The following GAB2 variants were observed in gnomAD, a reference collection of about 807,000 sequenced individuals.
The protein encoded by GAB2 is GRB2-associated-binding protein 2.
GAB2 carries 26 observed loss-of-function variants against 65.5 expected under a neutral mutation model. The ratio of observed to expected loss-of-function variants is 0.40; its 90% CI spans 0.29 to 0.55. GAB2 has a LOEUF of 0.55. Among genes scored for constraint, GAB2 ranks in the 20% least tolerant of loss-of-function variants. GAB2 has a pLI of 0.53. For missense variants in GAB2, 884 were observed against 875.8 expected, an observed-to-expected ratio of 1.01 and a Z score of -0.12; for synonymous variants, 321 against 329.6, an observed-to-expected ratio of 0.97 and a Z score of 0.28.
intron 1 of GAB2, among the ~76,000 whole-genome samples, chr11:78,309,057 G>GA (rs143379188): frequency 2.0e-5 from 3 of 151,954 alleles, no homozygotes; most frequent in East Asian, 1.9e-4. Context: ...AGTGGGGACA[G>GA]AAAAAAAGGT....
intron 3 of GAB2, among the ~76,000 whole-genome samples, chr11:78,239,323 C>T (rs541316796): frequency 7.2e-5 from 11 of 152,218 alleles, no homozygotes; most frequent in Non-Finnish European, 1.3e-4. Context: ...TGGGTTCAAG[C>T]GATTCTCCTG....
chr11:78,267,832 T>G (rs1442808864), intron 2 of GAB2, among the ~76,000 whole-genome samples: 1 of 108,658 alleles, frequency 9.2e-6, no homozygotes. Context: ...CACTCCAGCC[T>G]GGGTGATAGA....
chr11:78,408,522 G>A (rs1857084172), intron 1 of GAB2, among the ~76,000 whole-genome samples: 1 of 152,160 alleles, frequency 6.6e-6, no homozygotes, highest in African/African-American at 2.4e-5. Context: ...GCAGAACTAA[G>A]CTCTAGCATA....
chr11:78,231,267 C>G (rs901965376), intron 3 of GAB2, among the ~76,000 whole-genome samples: 1 of 152,152 alleles, frequency 6.6e-6, no homozygotes, highest in African/African-American at 2.4e-5. Flanking sequence ...TGGCCAATGG[C>G]TCTTCCAGAG....
At chr11:78,281,577 T>C (rs1866336544) in intron 1 of GAB2, among the ~76,000 whole-genome samples, 1 of 152,142 alleles carries the variant, frequency 6.6e-6, no homozygotes. Flanking sequence ...TCCTCAGATA[T>C]CATAGGTTAA....
intron 1 of GAB2, among the ~76,000 whole-genome samples, chr11:78,335,651 G>A (rs889271689): frequency 2.6e-5 from 4 of 152,140 alleles, no homozygotes; most frequent in Non-Finnish European, 5.9e-5. Flanking sequence ...TAGCTCTGTA[G>A]TATAATTTGA....
In GAB2 at chr11:78,406,381, ATTTT is replaced by A. The variant is rs56317311; in HGVS notation, c.75+11261_75+11264del. Among the ~76,000 whole-genome samples, 351 of 147,838 alleles carry A rather than the reference ATTTT, an allele frequency of 2.4e-3. 1 individual carries two copies. The highest frequency in any genetic ancestry group is 8.3e-3 in the African/African-American group (335 of 40,568). Reference sequence around the variant, plus strand: ...CACAATACAAAAATGTCCACGTTTAATTTTTTTTTTTTTTGAGACAGAATCTTGC... The same window carrying A: ...CACAATACAAAAATGTCCACGTTTAATTTTTTTTTTGAGACAGAATCTTGC... On this transcript the variant is annotated intron_variant, in intron 1 of 9. Coordinates refer to ENST00000361507, the MANE Select transcript of GAB2 (RefSeq NM_080491.3).
intron 1 of GAB2, among the ~76,000 whole-genome samples, chr11:78,376,724 AG>A (rs1006460322): frequency 2.0e-5 from 3 of 152,104 alleles, no homozygotes; most frequent in African/African-American, 4.8e-5. Flanking sequence ...GGAGAGTTGG[AG>A]GGGGGCACCG....
At chr11:78,380,653 T>C (rs1052907854) in intron 1 of GAB2, among the ~76,000 whole-genome samples, 1 of 152,202 alleles carries the variant, frequency 6.6e-6, no homozygotes, top group African/African-American at 2.4e-5. Flanking sequence ...CTACACACTG[T>C]GAAATTAAAT....
rs1366498601 is a variant in GAB2, at chr11:78,250,197, A to G, written c.580T>C (p.Tyr194His). 3 of 1,612,828 alleles carry G rather than the reference A, an allele frequency of 1.9e-6. No individual in the cohort carries two copies. The South Asian group carries it at 3.3e-5, about 18-fold the overall frequency. ...LSTSAPQEYLYLHQCISRRAE... is the reference protein window; with the variant it reads ...LSTSAPQEYLHLHQCISRRAE... ...CTTCGGCTTATGCACTGGTGCAAGT[A>G]GAGATACTCCTGAGGTGCGCTGGTG... The change falls in exon 3 of 10, where the codon TAC becomes CAC. Residue 194 changes from tyrosine to histidine, a missense_variant. Transcript: ENST00000361507.
In GAB2 at chr11:78,375,046, A is replaced by G. The variant is rs183370633; in HGVS notation, c.75+42600T>C. On this transcript the variant is annotated intron_variant, in intron 1 of 9. Coordinates refer to ENST00000361507, the MANE Select transcript of GAB2 (RefSeq NM_080491.3). Reference sequence around the variant, plus strand: ...CAATCTTTGTATATTTCGTTTATTTATTTTGTATTTTCTTTAGAGGCAGGG... The same window carrying G: ...CAATCTTTGTATATTTCGTTTATTTGTTTTGTATTTTCTTTAGAGGCAGGG... Among the ~76,000 whole-genome samples the G allele has an allele frequency of 3.3e-5, 5 of 152,262 alleles. No homozygotes were observed. The East Asian group carries it at 7.7e-4, about 23-fold the overall frequency.
intron 1 of GAB2, among the ~76,000 whole-genome samples, chr11:78,302,999 G>A (rs1464417377): frequency 6.6e-6 from 1 of 152,152 alleles, no homozygotes; most frequent in East Asian, 1.9e-4. Flanking sequence ...CTATGAGGAT[G>A]CAAAAGCAAA....
chr11:78,264,830 G>C (rs1263767978), intron 2 of GAB2, among the ~76,000 whole-genome samples: 1 of 152,130 alleles, frequency 6.6e-6, no homozygotes, highest in Non-Finnish European at 1.5e-5. Context: ...TTTTGAGTTT[G>C]GGCAAAACAG....
chr11:78,309,729 A>G (rs1008055032), intron 1 of GAB2, among the ~76,000 whole-genome samples: 1 of 152,062 alleles, frequency 6.6e-6, no homozygotes, highest in Non-Finnish European at 1.5e-5. Flanking sequence ...TTGCTTCTCT[A>G]TTTCACAAAG....
intron 1 of GAB2, among the ~76,000 whole-genome samples, chr11:78,384,781 C>G (rs1185524154): frequency 1.3e-5 from 2 of 152,134 alleles, no homozygotes; most frequent in African/African-American, 2.4e-5. Context: ...CTGGAATACT[C>G]AGAAAGAAAC....
chr11:78,415,939 C>CTTTTTTTTTTT (rs1303081510), intron 1 of GAB2, among the ~76,000 whole-genome samples: 1 of 129,030 alleles, frequency 7.8e-6, no homozygotes, highest in African/African-American at 2.8e-5. Flanking sequence ...TTAAGGGTCA[C>CTTTTTTTTTTT]TTTTTTTTTT....
chr11:78,404,367 C>A (rs568045584), intron 1 of GAB2, among the ~76,000 whole-genome samples: 2 of 152,108 alleles, frequency 1.3e-5, no homozygotes, highest in African/African-American at 4.8e-5. Context: ...ACATAGTGAG[C>A]CCTCACCTCT....
intron 8 of GAB2, 73 bp downstream of exon 8, chr11:78,221,604 G>T: frequency 1.2e-6 from 1 of 830,772 alleles, no homozygotes; most frequent in Non-Finnish European, 2.0e-6. Context: ...AGCTAAGCTG[G>T]GAAGTGGGGA....
chr11:78,222,249 T>A, intron 6 of GAB2, 54 bp from the exon 7 acceptor site: 4 of 1,089,658 alleles, frequency 3.7e-6, no homozygotes, highest in Non-Finnish European at 5.7e-6. Context: ...ATGCTACACA[T>A]ACACACCTTA....
Sources: gnomAD v4.1 joint callset for allele counts (sites outside exome capture counted in the v4.1 genomes callset) on GRCh38, gnomAD v4.1.1 for gene constraint, MANE v1.5 for transcripts, NCBI Gene and HGNC (gene_info 2026-07-23, HGNC 2026-07-21) for gene names.